Variants in CLIP4 observed in about 807,000 individuals in gnomAD.
The protein encoded by CLIP4 is CAP-Gly domain-containing linker protein 4.
A neutral mutation model predicts 73.1 loss-of-function variants in CLIP4; 47 were observed. The ratio of observed to expected loss-of-function variants is 0.64; its 90% CI spans 0.51 to 0.82. The LOEUF is 0.82. Ranked by LOEUF, CLIP4 falls within the 40% of genes least tolerant of loss-of-function variation. The probability of loss-of-function intolerance (pLI) is 0.00; values close to 1 mark genes in which losing one functional copy is unlikely to be tolerated. For synonymous variants in CLIP4, 306 were observed against 295.4 expected (o/e 1.04, Z -0.37); for missense variants, 874 against 852.9 (o/e 1.02, Z -0.31).
rs78287860 is a variant in CLIP4, at chr2:29,147,734, A to G, written c.1021+2367A>G. Among the ~76,000 whole-genome samples, 523 of 152,284 alleles carry G rather than the reference A, an allele frequency of 3.4e-3. 2 individuals carry two copies. Among genetic ancestry groups the G allele is most frequent in the African/African-American group, 0.012 (506 of 41,554 alleles). The stretch of plus-strand genomic sequence containing the variant: ...AATCCTCTCTTTTAGCTTTTTCAAC[A>G]TACACAATAAATTGTTGTTAACCAT... On this transcript the variant is annotated intron_variant, in intron 8 of 15. Coordinates refer to ENST00000320081, the MANE Select transcript of CLIP4 (RefSeq NM_024692.6).
Position 29,181,917 on chromosome 2 carries a change from C to G in CLIP4, c.*24C>G. 1 of 1,536,270 alleles carries G rather than the reference C, an allele frequency of 6.5e-7. No individual in the cohort carries two copies. Among genetic ancestry groups the G allele is most frequent in the Non-Finnish European group, 8.8e-7 (1 of 1,131,326 alleles). On this transcript the variant is annotated 3_prime_UTR_variant, in exon 16 of 16. Coordinates refer to ENST00000320081, the MANE Select transcript of CLIP4 (RefSeq NM_024692.6). ...AAGCTTCTAAAATATTAAATAAGCT[C>G]AAATATATATATTTGGTGTAAATAA...
At chr2:29,169,549 G>T (rs1423406770) in intron 14 of CLIP4, among the ~76,000 whole-genome samples, 16 of 152,068 alleles carry the variant, frequency 1.1e-4, no homozygotes, top group Admixed American at 1.0e-3. Context: ...AGTTTTTGGG[G>T]TGCAAAATTC....
At chr2:29,136,404 C>T (rs1053024157) in intron 6 of CLIP4, among the ~76,000 whole-genome samples, 8 of 152,022 alleles carry the variant, frequency 5.3e-5, no homozygotes, top group African/African-American at 1.9e-4. Context: ...TGTTTAACCC[C>T]CTTGATTACC....
intron 5 of CLIP4, among the ~76,000 whole-genome samples, chr2:29,134,532 T>G (rs1053726305): frequency 6.6e-6 from 1 of 152,172 alleles, no homozygotes; most frequent in Non-Finnish European, 1.5e-5. Context: ...TCTTTAAAAT[T>G]CTACCTTTTC....
At chr2:29,143,179 C>G (rs761092040) in intron 6 of CLIP4, among the ~76,000 whole-genome samples, 1 of 152,232 alleles carries the variant, frequency 6.6e-6, no homozygotes, top group Non-Finnish European at 1.5e-5. Flanking sequence ...AGCTTGCTTT[C>G]TCATGCCTCT....
intron 12 of CLIP4, among the ~76,000 whole-genome samples, chr2:29,161,416 C>T (rs1410640155): frequency 2.0e-5 from 3 of 151,178 alleles, no homozygotes; most frequent in Non-Finnish European, 4.4e-5. Flanking sequence ...TTATCTAGAA[C>T]ATTGATTAAA....
chr2:29,157,975 G>GT (rs1667037192), intron 11 of CLIP4, among the ~76,000 whole-genome samples: 1 of 151,980 alleles, frequency 6.6e-6, no homozygotes, highest in African/African-American at 2.4e-5. Context: ...TCTTTTTTTA[G>GT]TGCTTCTATT....
At chr2:29,110,495 C>A (rs931705611), upstream of CLIP4, among the ~76,000 whole-genome samples, 2 of 152,094 alleles carry the variant, frequency 1.3e-5, no homozygotes, top group Non-Finnish European at 2.9e-5. Flanking sequence ...CTCCAGTGAG[C>A]AAAAAGAAGA....
chr2:29,113,546 A>G (rs1668436208), upstream of CLIP4, among the ~76,000 whole-genome samples: 1 of 152,236 alleles, frequency 6.6e-6, no homozygotes, highest in African/African-American at 2.4e-5. The surrounding 1 kb of genome is among the most constrained non-coding windows in gnomAD (Gnocchi z 4.0). Context: ...ATTTTTGAAC[A>G]AAGGCAACTA....
intron 2 of CLIP4, among the ~76,000 whole-genome samples, chr2:29,128,102 T>G (rs981878363): frequency 6.6e-6 from 1 of 151,998 alleles, no homozygotes; most frequent in African/African-American, 2.4e-5. Context: ...CCTAGTTAGT[T>G]TCACATATCA....
intron 2 of CLIP4, among the ~76,000 whole-genome samples, chr2:29,126,516 A>G (rs1454897780): frequency 6.6e-6 from 1 of 152,236 alleles, no homozygotes; most frequent in African/African-American, 2.4e-5. Flanking sequence ...CACAAAGTTC[A>G]TAGAACAGTC....
At chr2:29,161,252 G>C (rs953437750) in intron 12 of CLIP4, among the ~76,000 whole-genome samples, 2 of 152,026 alleles carry the variant, frequency 1.3e-5, no homozygotes, top group African/African-American at 2.4e-5. Context: ...GGGATTACAG[G>C]TGTGAGCCAC....
chr2:29,131,415 T>C lies in CLIP4; in HGVS notation c.273+18T>C. ...GAAATGAGGTAAGGAATTCTTACAT[T>C]TTAAGTTTTGCATTGTTAGGATTGT... On this transcript the variant is annotated intron_variant, in intron 3 of 15. Transcript: ENST00000320081. The C allele has an allele frequency of 6.3e-7, 1 of 1,582,114 alleles. No individual in the cohort carries two copies. The highest frequency in any genetic ancestry group is 8.5e-7 in the Non-Finnish European group (1 of 1,169,648).
At chr2:29,174,292 A>C (rs1349021140) in intron 14 of CLIP4, 81 bp from the exon 15 acceptor site, 1 of 1,161,516 alleles carries the variant, frequency 8.6e-7, no homozygotes, top group Non-Finnish European at 1.2e-6. Flanking sequence ...GAACATCTAC[A>C]GAAGAAGTGA....
intron 11 of CLIP4, among the ~76,000 whole-genome samples, chr2:29,158,624 G>A (rs1025049874): frequency 1.3e-5 from 2 of 152,128 alleles, no homozygotes; most frequent in Non-Finnish European, 2.9e-5. Flanking sequence ...TTGTTTTATA[G>A]ATTTGCATTT....
At chr2:29,164,003 C>T (rs757536122) in intron 13 of CLIP4, 49 bp downstream of exon 13, 2 of 1,506,616 alleles carry the variant, frequency 1.3e-6, no homozygotes, top group Non-Finnish European at 1.8e-6. Context: ...TTGTAATCTG[C>T]AGTGGTTAAT....
At chr2:29,146,568 CT>C (rs1219145536) in intron 8 of CLIP4, among the ~76,000 whole-genome samples, 2 of 152,184 alleles carry the variant, frequency 1.3e-5, no homozygotes, top group African/African-American at 4.8e-5. Context: ...TAGTCACTTA[CT>C]ATGTTGTGAA....
At chr2:29,112,047 GGTACCACCTTTGT>G, upstream of CLIP4, among the ~76,000 whole-genome samples, 1 of 152,008 alleles carries the variant, frequency 6.6e-6, no homozygotes, top group Admixed American at 6.5e-5. Flanking sequence ...ATTGATCTGT[GGTACCACCTTTGT>G]GTAAATGGAG....
intron 10 of CLIP4, 88 bp downstream of exon 10, chr2:29,156,531 A>C (rs1353975755): frequency 4.2e-6 from 4 of 943,160 alleles, no homozygotes; most frequent in African/African-American, 3.4e-5. Context: ...TATGGAGGTT[A>C]AGTTTTAAAG....
Sources: gnomAD v4.1 joint callset for allele counts (sites outside exome capture counted in the v4.1 genomes callset) on GRCh38, gnomAD v4.1.1 for gene constraint, Gnocchi (gnomAD v3.1) non-coding constraint, MANE v1.5 for transcripts, NCBI Gene and HGNC (gene_info 2026-07-23, HGNC 2026-07-21) for gene names.